The following PUM3 variants were observed in gnomAD, a reference collection of about 807,000 sequenced individuals.
PUM3 encodes the protein pumilio homolog 3.
PUM3 carries 91 observed loss-of-function variants against 84.0 expected under a neutral mutation model. The observed-to-expected ratio is 1.08, with a 90% CI of 0.91 to 1.29. The LOEUF (loss-of-function observed/expected upper bound fraction) is 1.29. Ranked by LOEUF, PUM3 falls within the 50% of genes most tolerant of loss-of-function variation. The pLI is 0.00. For synonymous variants in PUM3, 321 were observed against 266.7 expected (o/e 1.20, Z -1.98); for missense variants, 1,067 against 767.5 (o/e 1.39, Z -4.61).
In PUM3 at chr9:2,813,840, G is replaced by A. The variant is rs530036433; in HGVS notation, c.1270-1478C>T. Among the ~76,000 whole-genome samples, 3 of 152,214 alleles carry A rather than the reference G, an allele frequency of 2.0e-5. No individual in the cohort carries two copies. The East Asian group carries it at 5.8e-4, about 29-fold the overall frequency. On this transcript the variant is annotated intron_variant, in intron 13 of 17. Coordinates refer to ENST00000397885, the MANE Select transcript of PUM3 (RefSeq NM_014878.5). Reference sequence around the variant, plus strand: ...TTGCACAAAAGTATAGCATGCTTCTGATAACAGTAGCTAACACTCGTTAAG... The same window carrying A: ...TTGCACAAAAGTATAGCATGCTTCTAATAACAGTAGCTAACACTCGTTAAG...
chr9:2,806,174 A>C (rs1487373925), intron 17 of PUM3, among the ~76,000 whole-genome samples: 1 of 152,174 alleles, frequency 6.6e-6, no homozygotes, highest in Non-Finnish European at 1.5e-5. Context: ...GCATTGCTGA[A>C]ATTTCCAGTT....
In PUM3 at chr9:2,819,981, G is replaced by A. The variant is rs112360149; in HGVS notation, c.1269+37C>T. 2,836 of 1,362,178 alleles carry A rather than the reference G, an allele frequency of 2.1e-3. 62 individuals are homozygous for A. In the African/African-American group the frequency reaches 0.035, roughly 17 times the overall value. 84.4% of individuals were successfully genotyped at this position (1,362,178 alleles called of 1,614,324 possible). On this transcript the variant is annotated intron_variant, in intron 13 of 17. Transcript: ENST00000397885. ...CTTACACATCCACAACTGGTTTATC[G>A]ATGTAACTTAAATTCAAGACCATCA... is the stretch of plus-strand genomic sequence containing the variant.
intron 1 of PUM3, among the ~76,000 whole-genome samples, chr9:2,842,982 T>C (rs1345206240): frequency 6.6e-6 from 1 of 152,142 alleles, no homozygotes; most frequent in Non-Finnish European, 1.5e-5. Context: ...CATAAGTTAG[T>C]TCTCTTAAAT....
chr9:2,807,428 C>G (rs148110918), intron 17 of PUM3, among the ~76,000 whole-genome samples: 122 of 151,476 alleles, frequency 8.1e-4, no homozygotes, highest in African/African-American at 2.8e-3. Context: ...AGACCCCCAT[C>G]TCTACAAAAA....
In PUM3 at chr9:2,804,355, A is replaced by C; in HGVS notation, c.1923T>G (p.Ile641Met). 1 of 1,613,744 alleles carries C rather than the reference A, an allele frequency of 6.2e-7. No homozygotes were observed. ...KTKSTSKGIE[I>M]LLEKLST Reference sequence around the variant, plus strand: ...CCTATGTGCTCAGTTTTTCAAGTAGAATTTCTATTCCTTTGCTGGTGCTTT... The same window carrying C: ...CCTATGTGCTCAGTTTTTCAAGTAGCATTTCTATTCCTTTGCTGGTGCTTT... The change falls in exon 18 of 18, where the codon ATT (isoleucine) becomes ATG (methionine). Residue 641 changes from isoleucine (I) to methionine (M), a missense_variant. Transcript: ENST00000397885.
At chr9:2,810,039 T>C (rs570250645) in intron 16 of PUM3, among the ~76,000 whole-genome samples, 94 of 149,194 alleles carry the variant, frequency 6.3e-4, no homozygotes, top group African/African-American at 2.2e-3. Flanking sequence ...TTTTAAGGCA[T>C]TGACCAAGCC....
intron 1 of PUM3, among the ~76,000 whole-genome samples, chr9:2,840,961 T>C (rs1036250990): frequency 7.2e-5 from 11 of 152,260 alleles, no homozygotes; most frequent in Non-Finnish European, 1.3e-4. Context: ...AGGAAACACA[T>C]ATATGTATAT....
chr9:2,809,909 ATCT>A (rs1355142128), intron 16 of PUM3, among the ~76,000 whole-genome samples: 2 of 152,150 alleles, frequency 1.3e-5, no homozygotes, highest in Non-Finnish European at 2.9e-5. Flanking sequence ...TACGAGGATA[ATCT>A]TCTTCTGCTT....
At chr9:2,810,268 G>A (rs983911386) in intron 16 of PUM3, 76 bp downstream of exon 16, 8 of 937,398 alleles carry the variant, frequency 8.5e-6, no homozygotes, top group African/African-American at 6.5e-5. Flanking sequence ...TAAATGGCTG[G>A]TATAAAGTTC....
rs557376497 is a variant in PUM3 at position 2,839,898 on chromosome 9, T to C, written c.-10-1381A>G. ...GTTGAAAAGATACACAGTTCACATA[T>C]ACCCTTTCCCCAGCTTCCCCTAATG... On this transcript the variant is annotated intron_variant, in intron 1 of 17. Transcript: ENST00000397885. Among the ~76,000 whole-genome samples, 79 of 152,256 alleles carry C rather than the reference T, an allele frequency of 5.2e-4. 1 individual carries two copies. The highest frequency in any genetic ancestry group is 4.6e-4 in the Admixed American group (7 of 15,284).
chr9:2,829,924 T>C lies in PUM3; in HGVS notation c.702A>G (p.Ile234Met). 1 of 1,613,472 alleles carries C rather than the reference T, an allele frequency of 6.2e-7. No homozygotes were observed. The highest frequency in any genetic ancestry group is 8.5e-7 in the Non-Finnish European group (1 of 1,179,528). ...TCACGTGGCCTTTAAAACTTCTGATTATCTCTGCAATCTGTGGTTTACTTC... is the reference window on the plus strand; with the variant it reads ...TCACGTGGCCTTTAAAACTTCTGATCATCTCTGCAATCTGTGGTTTACTTC... ...MYGSKPQIAE[I>M]IRSFKGHVRK... Residue 234 changes from isoleucine (I) to methionine (M), a missense_variant, in exon 8 of 18, where the codon ATA becomes ATG. By Grantham distance (10) the Ile-to-Met change is conservative (BLOSUM62 1). Coordinates refer to ENST00000397885, the MANE Select transcript of PUM3 (RefSeq NM_014878.5).
chr9:2,835,590 G>A (rs1816101165), intron 3 of PUM3, among the ~76,000 whole-genome samples: 3 of 151,990 alleles, frequency 2.0e-5, no homozygotes, highest in African/African-American at 7.3e-5. Context: ...TAATACAAAA[G>A]ATTATAGGCA....
chr9:2,814,701 T>A (rs1377006459), intron 13 of PUM3, among the ~76,000 whole-genome samples: 1 of 152,190 alleles, frequency 6.6e-6, no homozygotes, highest in Non-Finnish European at 1.5e-5. Context: ...TGGGCCAATT[T>A]CTACAGTTTA....
chr9:2,838,115 T>C (rs1423180215), intron 2 of PUM3, among the ~76,000 whole-genome samples: 1 of 152,178 alleles, frequency 6.6e-6, no homozygotes, highest in Non-Finnish European at 1.5e-5. Flanking sequence ...ATGAGCAGTA[T>C]GTATTAAACA....
intron 1 of PUM3, among the ~76,000 whole-genome samples, chr9:2,840,168 T>C (rs1372586537): frequency 6.6e-6 from 1 of 152,222 alleles, no homozygotes; most frequent in Non-Finnish European, 1.5e-5. Context: ...GTACATGACA[T>C]TAACATGACT....
intron 3 of PUM3, among the ~76,000 whole-genome samples, chr9:2,836,594 A>C (rs1185262793): frequency 6.6e-6 from 1 of 152,166 alleles, no homozygotes; most frequent in Non-Finnish European, 1.5e-5. Flanking sequence ...ATGTGTGCAC[A>C]ACACCTTCTC....
chr9:2,817,088 G>C (rs747007710), intron 13 of PUM3, among the ~76,000 whole-genome samples: 1 of 152,202 alleles, frequency 6.6e-6, no homozygotes, highest in Non-Finnish European at 1.5e-5. Flanking sequence ...AAGTGCCTTA[G>C]AGAAACTTAA....
At chr9:2,826,780 C>G (rs1815833357) in intron 10 of PUM3, among the ~76,000 whole-genome samples, 1 of 152,066 alleles carries the variant, frequency 6.6e-6, no homozygotes. Context: ...GAATATTCCT[C>G]CACGAGTTAG....
chr9:2,832,231 A>C (rs1291815791), intron 5 of PUM3, among the ~76,000 whole-genome samples: 1 of 152,200 alleles, frequency 6.6e-6, no homozygotes, highest in East Asian at 1.9e-4. Flanking sequence ...CTATTATATA[A>C]TCAACATAAA....
Sources: gnomAD v4.1 joint callset for allele counts (sites outside exome capture counted in the v4.1 genomes callset) on GRCh38, gnomAD v4.1.1 for gene constraint, MANE v1.5 for transcripts, NCBI Gene and HGNC (gene_info 2026-07-23, HGNC 2026-07-21) for gene names.